THOC1: variants seen among roughly 807,000 people sequenced by gnomAD.
THOC1 encodes the protein THO complex 1.
A neutral mutation model predicts 97.3 loss-of-function variants in THOC1; 29 were observed. The ratio of observed to expected loss-of-function variants is 0.30; its 90% confidence interval spans 0.22 to 0.41. The LOEUF is 0.41. THOC1 is among the 10% of genes least tolerant of loss of function. THOC1 has a pLI of 1.00. For missense variants in THOC1, 529 were observed against 761.9 expected (o/e 0.69, Z 3.60); for synonymous variants, 255 against 257.0 (o/e 0.99, Z 0.07).
At position 218,875 on chromosome 18, in the gene THOC1, A is replaced by C; in HGVS notation, c.1454+11T>G. On this transcript the variant is annotated intron_variant, in intron 18 of 20. Transcript: ENST00000261600. ...AGAAAATTAAAAGGAGCTAATGAGG[A>C]GCATACTTACTTATATTCATTTTCC... The C allele has an allele frequency of 6.3e-7, 1 of 1,580,470 alleles. No homozygotes were observed. The highest frequency in any genetic ancestry group is 1.2e-5 in the South Asian group (1 of 86,638).
At chr18:215,021 CTTTAT>C (rs1412767472) in intron 20 of THOC1, 100 bp from the exon 21 acceptor site, 14 of 1,048,396 alleles carry the variant, frequency 1.3e-5, no homozygotes, top group Non-Finnish European at 1.5e-5. Flanking sequence ...CTTTAGTAGA[CTTTAT>C]TTTAAAAGTA....
chr18:218,388 G>T (rs1248727848), intron 18 of THOC1, among the ~76,000 whole-genome samples: 1 of 152,144 alleles, frequency 6.6e-6, no homozygotes, highest in African/African-American at 2.4e-5. Context: ...GAAGGTTCTA[G>T]ATAAAGAGGC....
chr18:225,121 G>T lies in THOC1; in HGVS notation c.1105C>A (p.Pro369Thr). The T allele has an allele frequency of 6.3e-7, 1 of 1,577,428 alleles. No homozygotes were observed. Among genetic ancestry groups the T allele is most frequent in the East Asian group, 2.3e-5 (1 of 43,922 alleles). ...ATCTTTGAAAATCTTTCTCCATCGGGGGGGTTTTCAGATAGTAGCTGTGAT... is the reference window on the plus strand; with the variant it reads ...ATCTTTGAAAATCTTTCTCCATCGGTGGGGTTTTCAGATAGTAGCTGTGAT... ...SVYQLLSENP[P>T]DGERFSKMVE... The change falls in exon 14 of 21, where the codon CCC becomes ACC. Residue 369 changes from proline to threonine, a missense_variant. Physicochemically the swap from Pro to Thr is conservative, Grantham distance 38. This residue lies in a region of THOC1 where 123 missense variants were observed against 159.0 expected (regional missense o/e 0.77). Transcript: ENST00000261600.
chr18:251,775 A>G (rs1912287174), intron 9 of THOC1, among the ~76,000 whole-genome samples: 1 of 152,220 alleles, frequency 6.6e-6, no homozygotes, highest in Admixed American at 6.5e-5. Flanking sequence ...CGTCCTGTAC[A>G]GGGTTGGTTC....
chr18:249,530 T>TG lies in THOC1; in HGVS notation c.678-1574dup, dbSNP rs1912208738. Among the ~76,000 whole-genome samples the TG allele has an allele frequency of 2.0e-5, 3 of 152,080 alleles. No individual in the cohort carries two copies. In the South Asian group the frequency reaches 6.2e-4, roughly 32 times the overall value. The stretch of plus-strand genomic sequence containing the variant: ...TACAAAAATTACCCAGGCATTGTGG[T>TG]GCGTGCTTGTAGTCCCAGCTACTCA... On this transcript the variant is annotated intron_variant, in intron 9 of 20. Coordinates refer to ENST00000261600, the MANE Select transcript of THOC1 (RefSeq NM_005131.3).
At chr18:240,085 T>C (rs1911845564) in intron 11 of THOC1, among the ~76,000 whole-genome samples, 1 of 152,210 alleles carries the variant, frequency 6.6e-6, no homozygotes, top group African/African-American at 2.4e-5. Context: ...AAATTTGTAA[T>C]GGTCTTTCTG....
intron 10 of THOC1, among the ~76,000 whole-genome samples, chr18:247,600 TAAC>T (rs997935289): frequency 2.0e-5 from 3 of 152,238 alleles, no homozygotes; most frequent in Admixed American, 6.5e-5. Flanking sequence ...CAATTTATGT[TAAC>T]AACACTCATT....
chr18:220,515 C>T (rs371225773), intron 17 of THOC1, among the ~76,000 whole-genome samples: 16 of 152,330 alleles, frequency 1.1e-4, no homozygotes, highest in African/African-American at 3.1e-4. Flanking sequence ...ACTGTGCCAT[C>T]AGACTCCTAC....
intron 4 of THOC1, chr18:261,123 GA>G (rs1223201254): frequency 6.6e-6 from 1 of 152,162 alleles, no homozygotes; most frequent in Non-Finnish European, 1.5e-5. Context: ...TCAGGGGAAA[GA>G]ATGGAAAAGT....
At chr18:265,808 C>CA (rs34672376) in intron 1 of THOC1, among the ~76,000 whole-genome samples, 271 of 144,896 alleles carry the variant, frequency 1.9e-3, no homozygotes, top group Middle Eastern at 0.017. Flanking sequence ...ATTGTGCTTA[C>CA]AAAAAAAAAA....
chr18:219,869 G>A (rs1598286790), intron 17 of THOC1, among the ~76,000 whole-genome samples: 1 of 152,028 alleles, frequency 6.6e-6, no homozygotes, highest in Non-Finnish European at 1.5e-5. Flanking sequence ...GATTTCAAGG[G>A]TTTAACCTTT....
At chr18:233,575 ACT>A (rs1177935174) in intron 11 of THOC1, among the ~76,000 whole-genome samples, 4 of 152,182 alleles carry the variant, frequency 2.6e-5, no homozygotes, top group Admixed American at 2.6e-4. Context: ...CAAGAGTGAA[ACT>A]CTGTCTCAAA....
chr18:223,385 A>G (rs1911159376), intron 17 of THOC1, 55 bp downstream of exon 17: 1 of 1,397,344 alleles, frequency 7.2e-7, no homozygotes, highest in Middle Eastern at 1.8e-4. Context: ...AAAAGGCTCC[A>G]TTCTACTCAA....
chr18:236,508 T>C (rs1403277558), intron 11 of THOC1, among the ~76,000 whole-genome samples: 32 of 140,080 alleles, frequency 2.3e-4, no homozygotes, highest in Admixed American at 1.3e-3. Context: ...AGGCGCCCGC[T>C]ACCACGCCCG....
At chr18:233,925 A>T (rs1436535935) in intron 11 of THOC1, among the ~76,000 whole-genome samples, 1 of 152,148 alleles carries the variant, frequency 6.6e-6, no homozygotes, top group Non-Finnish European at 1.5e-5. Flanking sequence ...AAATTAAAAA[A>T]CCCATTTGGA....
intron 11 of THOC1, among the ~76,000 whole-genome samples, chr18:236,349 T>C (rs986760554): frequency 4.1e-5 from 5 of 122,532 alleles, no homozygotes; most frequent in Admixed American, 2.1e-4. Flanking sequence ...AGAATAAGAT[T>C]CTTTTTTTTT....
At chr18:215,299 A>C (rs644363) in intron 20 of THOC1, 130 bp downstream of exon 20, 1 of 723,300 alleles carries the variant, frequency 1.4e-6, no homozygotes, top group Non-Finnish European at 2.4e-6. Context: ...TAAATTCCTC[A>C]CTATGTCAGA....
intron 17 of THOC1, among the ~76,000 whole-genome samples, chr18:223,052 T>C (rs1753206573): frequency 6.6e-6 from 1 of 152,122 alleles, no homozygotes; most frequent in African/African-American, 2.4e-5. Flanking sequence ...AACCCATTAA[T>C]TCTTACTTTA....
At position 260,214 on chromosome 18, in the gene THOC1, A is replaced by G. The variant is rs1475434358; in HGVS notation, c.347T>C (p.Val116Ala). The change falls in exon 5 of 21, where the codon GTG becomes GCG. Residue 116 changes from valine to alanine, a missense_variant. Val to Ala is a moderately conservative substitution (Grantham distance 64, BLOSUM62 0). Coordinates refer to ENST00000261600, the MANE Select transcript of THOC1 (RefSeq NM_005131.3). ...TTTCCAAGTAGCAACATTTTTTTCC[A>G]CAAAAGTGAATATTGTGTCACACTG... ...LDQCDTIFTF[V>A]EKNVATWKSN... 1 of 1,572,064 alleles carries G rather than the reference A, an allele frequency of 6.4e-7. No homozygotes were observed.
Sources: allele counts gnomAD v4.1 joint callset (sites outside exome capture counted in the v4.1 genomes callset), GRCh38; gene constraint gnomAD v4.1.1; regional missense constraint gnomAD v4.1.1; transcripts MANE v1.5; gene names NCBI Gene and HGNC (gene_info 2026-07-23, HGNC 2026-07-21).